FBXO25: variants seen among roughly 807,000 people sequenced by gnomAD.
The protein encoded by FBXO25 is F-box protein 25.
A neutral mutation model predicts 51.9 loss-of-function variants in FBXO25; 45 were observed. That is an observed-to-expected ratio of 0.87 (90% CI 0.68 to 1.11). The LOEUF is 1.11. Among genes scored for constraint, FBXO25 ranks in the 50% most tolerant of loss-of-function variants. The probability of loss-of-function intolerance (pLI) is 0.00; values close to 1 mark genes in which losing one functional copy is unlikely to be tolerated. For synonymous variants in FBXO25, 199 were observed against 151.0 expected (o/e 1.32, Z -2.33); for missense variants, 507 against 428.5 (o/e 1.18, Z -1.62).
chr8:428,142 A>G (rs4495405), intron 2 of FBXO25, among the ~76,000 whole-genome samples: 28,919 of 152,024 alleles, frequency 0.19, 3,296 homozygotes, highest in African/African-American at 0.32. Flanking sequence ...ATTCTTCTCT[A>G]TTCTCTTCTC....
chr8:428,862 G>A (rs1314490788), intron 2 of FBXO25, among the ~76,000 whole-genome samples: 1 of 152,142 alleles, frequency 6.6e-6, no homozygotes, highest in Admixed American at 6.5e-5. Context: ...TGTAGCATGT[G>A]TCAGCATTTC....
intron 9 of FBXO25, among the ~76,000 whole-genome samples, chr8:467,224 G>A (rs962176831): frequency 1.3e-5 from 2 of 152,206 alleles, no homozygotes; most frequent in Non-Finnish European, 2.9e-5. Context: ...CTGGCCTGGA[G>A]GAACAAGTGT....
At chr8:423,676 C>T (rs1418716246) in intron 2 of FBXO25, among the ~76,000 whole-genome samples, 2 of 152,176 alleles carry the variant, frequency 1.3e-5, no homozygotes, top group Non-Finnish European at 2.9e-5. Context: ...ACCACATTTT[C>T]TTTATCCAGT....
At position 417,292 on chromosome 8, in the gene FBXO25, C is replaced by T. The variant is rs190095056; in HGVS notation, c.134+4079C>T. Among the ~76,000 whole-genome samples, 6 of 152,334 alleles carry T rather than the reference C, an allele frequency of 3.9e-5. No individual in the cohort carries two copies. The East Asian group carries it at 1.2e-3, about 29-fold the overall frequency. ...AGGCCTATGCTTTAACAGGATTATT[C>T]TGGCTACCGTGTTAAAAACAGACTT... is the stretch of plus-strand genomic sequence containing the variant. On this transcript the variant is annotated intron_variant, in intron 2 of 9. Coordinates refer to ENST00000350302, the MANE Select transcript of FBXO25 (RefSeq NM_183420.2).
At chr8:454,334 C>G (rs970933009) in intron 7 of FBXO25, among the ~76,000 whole-genome samples, 9 of 152,198 alleles carry the variant, frequency 5.9e-5, no homozygotes, top group African/African-American at 1.9e-4. Flanking sequence ...ATCTCTGTGA[C>G]TCAGTGAGAG....
At position 471,573 on chromosome 8, in the gene FBXO25, AG is replaced by A. The variant is rs1158070021; in HGVS notation, c.*2771del. ...TTCACTTGCCCATCGCTCCTGTGAA[AG>A]GCAATGCCAGACACTCTCAAGATAG... On this transcript the variant is annotated 3_prime_UTR_variant, in exon 10 of 10. Coordinates refer to ENST00000350302, the MANE Select transcript of FBXO25 (RefSeq NM_183420.2). 1 of 152,222 alleles carries A rather than the reference AG, an allele frequency of 6.6e-6. No homozygotes were observed. The highest frequency in any genetic ancestry group is 2.4e-5 in the African/African-American group (1 of 41,446). 9.4% of individuals were successfully genotyped at this position (152,222 alleles called of 1,614,324 possible).
chr8:442,562 C>T (rs1030930437), intron 5 of FBXO25, among the ~76,000 whole-genome samples: 2 of 152,104 alleles, frequency 1.3e-5, no homozygotes, highest in African/African-American at 2.4e-5. Context: ...TTCCGCCCCC[C>T]GGGTTCAAGC....
At chr8:407,652 G>T (rs968692526) in intron 1 of FBXO25, among the ~76,000 whole-genome samples, 5 of 152,066 alleles carry the variant, frequency 3.3e-5, no homozygotes, top group African/African-American at 9.7e-5. Flanking sequence ...TGCCCTCCGG[G>T]CTCGGTCCTT....
At chr8:445,581 A>C (rs1490105066) in intron 5 of FBXO25, among the ~76,000 whole-genome samples, 2 of 152,240 alleles carry the variant, frequency 1.3e-5, no homozygotes, top group Admixed American at 6.5e-5. Flanking sequence ...GGCTGGGTGC[A>C]GTGGCTCACG....
intron 9 of FBXO25, chr8:467,972 G>C: frequency 7.2e-7 from 1 of 1,389,308 alleles, no homozygotes; most frequent in Non-Finnish European, 9.3e-7. Context: ...AGTGCTGAGG[G>C]AGGCTGCTAG....
chr8:420,625 C>T (rs747297904), intron 2 of FBXO25, among the ~76,000 whole-genome samples: 15 of 152,212 alleles, frequency 9.9e-5, no homozygotes, highest in Non-Finnish European at 2.1e-4. Context: ...ACTATTAATT[C>T]GCACAACATG....
chr8:415,857 G>C (rs1362385411), intron 2 of FBXO25, among the ~76,000 whole-genome samples: 1 of 152,160 alleles, frequency 6.6e-6, no homozygotes, highest in Non-Finnish European at 1.5e-5. Context: ...ATATCTTTAA[G>C]AATTTCTAAC....
At chr8:447,941 C>T (rs1321169986) in intron 5 of FBXO25, among the ~76,000 whole-genome samples, 7 of 151,880 alleles carry the variant, frequency 4.6e-5, no homozygotes, top group African/African-American at 1.7e-4. Context: ...TGGCAGCAGC[C>T]GGGAGAACCA....
Position 469,270 on chromosome 8 carries a change from T to G in FBXO25, c.*466T>G, listed in dbSNP as rs956570888. 2.6e-5 allele frequency: 4 copies of G among 153,552 alleles called. No individual in the cohort carries two copies. The highest frequency in any genetic ancestry group is 9.6e-5 in the African/African-American group (4 of 41,482). 9.5% of individuals were successfully genotyped at this position (153,552 alleles called of 1,614,324 possible). ...TTTTCTCAAAATGCATTTTAACTAC[T>G]ACATTGGCTGTGCCCAAATGAGTCC... On this transcript the variant is annotated 3_prime_UTR_variant, in exon 10 of 10. Coordinates refer to ENST00000350302, the MANE Select transcript of FBXO25 (RefSeq NM_183420.2).
Position 458,419 on chromosome 8 carries a change from C to T in FBXO25, c.711C>T (p.Asn237=). The T allele has an allele frequency of 1.9e-6, 3 of 1,614,192 alleles. No homozygotes were observed. The highest frequency in any genetic ancestry group is 1.7e-6 in the Non-Finnish European group (2 of 1,180,014). ...GTGACCTTCCTCTGCACATGCTGAA[C>T]AACATCCTATACCGGTTCTCAGACG... ...TLSDLPLHML[N]NILYRFSDGW... The change falls in exon 8 of 10, where the codon AAC becomes AAT. Residue 237 remains asparagine, a synonymous_variant. Transcript: ENST00000350302.
Position 475,789 on chromosome 8 carries a change from A to G in FBXO25, c.*6985A>G, listed in dbSNP as rs1200668011. 2 of 151,972 alleles carry G rather than the reference A, an allele frequency of 1.3e-5. No homozygotes were observed. Among genetic ancestry groups the G allele is most frequent in the Non-Finnish European group, 2.9e-5 (2 of 67,988 alleles). The allele number at this position is 151,972 out of a possible 1,614,324, so 9.4% of individuals were successfully genotyped here. A position where few individuals can be genotyped will look rare whatever the true frequency, so the allele number is the denominator to read the frequency against. Reference sequence around the variant, plus strand: ...CAGTGTTACTGAAATTTTTTTTTGTATATGTATGGACACTAGGATTTTCTA... The same window carrying G: ...CAGTGTTACTGAAATTTTTTTTTGTGTATGTATGGACACTAGGATTTTCTA... On this transcript the variant is annotated 3_prime_UTR_variant, in exon 10 of 10. Coordinates refer to ENST00000350302, the MANE Select transcript of FBXO25 (RefSeq NM_183420.2).
intron 2 of FBXO25, among the ~76,000 whole-genome samples, chr8:426,245 C>A (rs1406852027): frequency 6.6e-6 from 1 of 152,170 alleles, no homozygotes; most frequent in Non-Finnish European, 1.5e-5. Flanking sequence ...CACTGTACTT[C>A]CTGTGTTTGT....
rs745634703 is a variant in FBXO25 at position 469,608 on chromosome 8, TGTTA to T, written c.*807_*810del. ...ATCAGTTTTGCATCCTACTGAGAAA[TGTTA>T]GTGATTTTGATACTTAAATCCTTAA... On this transcript the variant is annotated 3_prime_UTR_variant, in exon 10 of 10. Transcript: ENST00000350302. 6 of 152,240 alleles carry T rather than the reference TGTTA, an allele frequency of 3.9e-5. No individual in the cohort carries two copies. Among genetic ancestry groups the T allele is most frequent in the Non-Finnish European group, 7.3e-5 (5 of 68,042 alleles). The allele number at this position is 152,240 out of a possible 1,614,324, so 9.4% of individuals were successfully genotyped here. A position where few individuals can be genotyped will look rare whatever the true frequency, so the allele number is the denominator to read the frequency against.
At position 476,399 on chromosome 8, in the gene FBXO25, G is replaced by C. The variant is rs1221165323; in HGVS notation, c.*7595G>C. 1 of 152,174 alleles carries C rather than the reference G, an allele frequency of 6.6e-6. No individual in the cohort carries two copies. The highest frequency in any genetic ancestry group is 2.4e-5 in the African/African-American group (1 of 41,446). 9.4% of individuals were successfully genotyped at this position (152,174 alleles called of 1,614,324 possible). A position where few individuals can be genotyped will look rare whatever the true frequency, so the allele number is the denominator to read the frequency against. On this transcript the variant is annotated 3_prime_UTR_variant, in exon 10 of 10. Transcript: ENST00000350302. ...GGCCTCATAGAATGCATTTGGAAGT[G>C]TCCTTTCCTCTTCAGTTTTTTGGAA...
Sources: gnomAD v4.1 joint callset for allele counts (sites outside exome capture counted in the v4.1 genomes callset) on GRCh38, gnomAD v4.1.1 for gene constraint, MANE v1.5 for transcripts, NCBI Gene and HGNC (gene_info 2026-07-23, HGNC 2026-07-21) for gene names.